The following G3BP2 variants were observed in gnomAD, a reference collection of about 807,000 sequenced individuals.
G3BP2 encodes the protein G3BP stress granule assembly factor 2.
Under a neutral mutation model 56.7 loss-of-function variants are expected in G3BP2, and 11 were observed. That is an observed-to-expected ratio of 0.19 (90% CI 0.12 to 0.32). The LOEUF (loss-of-function observed/expected upper bound fraction) is 0.32, where lower values mean the gene tolerates loss of function less well. G3BP2 is among the 10% of genes least tolerant of loss of function. G3BP2 has a pLI of 1.00. For missense variants in G3BP2, 340 were observed against 610.9 expected (o/e 0.56, Z 4.67); for synonymous variants, 165 against 191.6 (o/e 0.86, Z 1.15).
intron 3 of G3BP2, among the ~76,000 whole-genome samples, chr4:75,708,463 C>G (rs1719635258): frequency 6.6e-6 from 1 of 152,162 alleles, no homozygotes; most frequent in African/African-American, 2.4e-5. Context: ...TTTATTTCTC[C>G]TAGCAGCTAG....
At chr4:75,673,685 C>G, upstream of G3BP2, 3 of 1,148,726 alleles carry the variant, frequency 2.6e-6, no homozygotes, top group Non-Finnish European at 3.3e-6. Flanking sequence ...GAGGCTCCAG[C>G]CTTGCCGCCC....
At chr4:75,719,162 A>C (rs1015156789) in intron 3 of G3BP2, among the ~76,000 whole-genome samples, 1 of 151,684 alleles carries the variant, frequency 6.6e-6, no homozygotes, top group Non-Finnish European at 1.5e-5. Flanking sequence ...TCCCGGCTAA[A>C]ACGGTGAAAC....
chr4:75,703,478 T>A (rs1719424723), intron 3 of G3BP2, among the ~76,000 whole-genome samples: 1 of 152,162 alleles, frequency 6.6e-6, no homozygotes, highest in African/African-American at 2.4e-5. Flanking sequence ...TTACTAAATG[T>A]CTACAAAGGG....
At chr4:75,690,564 T>C (rs1022060376) in intron 3 of G3BP2, among the ~76,000 whole-genome samples, 1 of 152,104 alleles carries the variant, frequency 6.6e-6, no homozygotes, top group Non-Finnish European at 1.5e-5. Flanking sequence ...TTGAAAGGTA[T>C]GGAGTTTCTT....
intron 3 of G3BP2, among the ~76,000 whole-genome samples, chr4:75,700,779 C>CTA (rs1719313388): frequency 6.6e-6 from 1 of 151,366 alleles, no homozygotes; most frequent in East Asian, 1.9e-4. Context: ...TGAAAATACA[C>CTA]TATTAGTATT....
intron 2 of G3BP2, among the ~76,000 whole-genome samples, chr4:75,660,627 T>C (rs954672412): frequency 1.3e-5 from 2 of 152,192 alleles, no homozygotes; most frequent in East Asian, 3.9e-4. Context: ...ATGCCTCAAG[T>C]AAGACAGATT....
In G3BP2 at chr4:75,666,319, C is replaced by G. The variant is rs946238190; in HGVS notation, c.-24-4270G>C. Among the ~76,000 whole-genome samples, 4 of 152,204 alleles carry G rather than the reference C, an allele frequency of 2.6e-5. No homozygotes were observed. The East Asian group carries it at 7.7e-4, about 29-fold the overall frequency. On this transcript the variant is annotated intron_variant, in intron 1 of 11. Coordinates refer to ENST00000359707, the MANE Select transcript of G3BP2 (RefSeq NM_203505.3). ...AGGCAGTAACTTGAAAAGTTAACTT[C>G]AAATGGTAAATAAGTAAGGCAATGC...
At chr4:75,686,287 T>C (rs1718600104) in intron 3 of G3BP2, among the ~76,000 whole-genome samples, 1 of 152,124 alleles carries the variant, frequency 6.6e-6, no homozygotes, top group African/African-American at 2.4e-5. Context: ...TCATTTGCTT[T>C]CAAGGAGTGT....
intron 3 of G3BP2, among the ~76,000 whole-genome samples, chr4:75,704,877 C>T (rs1719484995): frequency 1.3e-5 from 2 of 152,164 alleles, no homozygotes; most frequent in South Asian, 4.1e-4. Flanking sequence ...AGGTGACCCA[C>T]CCGCCTTGGC....
At chr4:75,711,491 T>A (rs920736615) in intron 3 of G3BP2, among the ~76,000 whole-genome samples, 6 of 151,842 alleles carry the variant, frequency 4.0e-5, no homozygotes, top group Non-Finnish European at 8.8e-5. Context: ...GGTGGGCGGA[T>A]CACCTGAGGT....
chr4:75,706,486 T>C (rs918171226), intron 3 of G3BP2, among the ~76,000 whole-genome samples: 3 of 152,182 alleles, frequency 2.0e-5, no homozygotes, highest in Admixed American at 6.5e-5. Context: ...GAAATCAGCC[T>C]GACCAACATG....
At chr4:75,646,576 C>T (rs1053682148) in intron 10 of G3BP2, 120 bp from the exon 11 acceptor site, 2 of 707,612 alleles carry the variant, frequency 2.8e-6, no homozygotes, top group African/African-American at 1.8e-5. Context: ...AACTCGCAAG[C>T]TTCTACACAC....
intron 3 of G3BP2, among the ~76,000 whole-genome samples, chr4:75,703,338 G>A (rs772302966): frequency 5.3e-5 from 8 of 152,122 alleles, no homozygotes; most frequent in East Asian, 1.9e-4. Flanking sequence ...CAGACACTGC[G>A]GAGGCAGCAG....
upstream of G3BP2, among the ~76,000 whole-genome samples, chr4:75,674,695 CATAT>C (rs1316726374): frequency 8.5e-3 from 513 of 60,688 alleles, 11 homozygotes; most frequent in Middle Eastern, 0.028. Context: ...TATGTATGTA[CATAT>C]ATATATATAT....
chr4:75,720,830 A>AATAC lies in G3BP2; in HGVS notation c.-25+46_-25+47insGTAT, dbSNP rs1296569357. On this transcript the variant is annotated intron_variant, in intron 3 of 3. Transcript: ENST00000499709. ...AAATAAATAAATAAATAAATAAATAAATAAATAAATAAAAATATTTTGAAG... is the reference window on the plus strand; with the variant it reads ...AAATAAATAAATAAATAAATAAATAAATACATAAATAAATAAAAATATTTTGAAG... 3.4e-5 allele frequency among the ~76,000 whole-genome samples: 5 copies of AATAC among 149,040 alleles called. No homozygotes were observed. The East Asian group carries it at 9.8e-4, about 29-fold the overall frequency.
chr4:75,672,921 T>G, intron 1 of G3BP2: 2 of 806,408 alleles, frequency 2.5e-6, no homozygotes, highest in Non-Finnish European at 3.0e-6. Flanking sequence ...CGCCACCTCA[T>G]CCCCAATAAA....
Position 75,690,854 on chromosome 4 carries a change from G to A in G3BP2, c.-24-28805C>T, listed in dbSNP as rs116299784. Among the ~76,000 whole-genome samples, 673 of 151,898 alleles carry A rather than the reference G, an allele frequency of 4.4e-3. 6 individuals carry two copies. Among genetic ancestry groups the A allele is most frequent in the African/African-American group, 0.015 (612 of 41,434 alleles). On this transcript the variant is annotated intron_variant, in intron 3 of 3. Transcript: ENST00000499709. ...GCTGGGATTACAGGTGTGAGCCACC[G>A]TACCAGGGAGACAAAAATGTTCTAA...
chr4:75,646,526 A>C (rs1171354172), intron 10 of G3BP2, 70 bp from the exon 11 acceptor site: 6 of 907,090 alleles, frequency 6.6e-6, no homozygotes, highest in Non-Finnish European at 1.1e-5. Context: ...CTAATTGTTC[A>C]GGATGAATAT....
At chr4:75,693,883 C>A (rs1326089634) in intron 3 of G3BP2, among the ~76,000 whole-genome samples, 1 of 151,408 alleles carries the variant, frequency 6.6e-6, no homozygotes, top group African/African-American at 2.4e-5. Flanking sequence ...CACAAGCCTG[C>A]CACCACCATG....
Sources: allele counts gnomAD v4.1 joint callset (sites outside exome capture counted in the v4.1 genomes callset), GRCh38; gene constraint gnomAD v4.1.1; transcripts MANE v1.5; gene names NCBI Gene and HGNC (gene_info 2026-07-23, HGNC 2026-07-21).